Variants in B4GALT6 observed in about 807,000 individuals in gnomAD.
B4GALT6 encodes UDP-Gal:beta-GlcNAc beta-1,4-galactosyltransferase 6.
In B4GALT6, 14 loss-of-function variants were observed where a neutral mutation model predicts 46.3. The observed-to-expected ratio is 0.30, with a 90% CI of 0.20 to 0.47. The LOEUF is 0.47. B4GALT6 is among the 20% of genes least tolerant of loss of function. B4GALT6 has a pLI of 0.99. For synonymous variants in B4GALT6, 168 were observed against 162.0 expected, an observed-to-expected ratio of 1.04 and a Z score of -0.28; for missense variants, 386 against 480.1, an observed-to-expected ratio of 0.80 and a Z score of 1.83.
At chr18:31,654,623 T>C (rs1296369275) in intron 3 of B4GALT6, among the ~76,000 whole-genome samples, 3 of 152,230 alleles carry the variant, frequency 2.0e-5, no homozygotes, top group Non-Finnish European at 4.4e-5. Flanking sequence ...TTTCCATTGC[T>C]ATACTAAGTA....
the B4GALT6 span, among the ~76,000 whole-genome samples, chr18:31,716,520 C>T: frequency 6.6e-6 from 1 of 152,188 alleles, no homozygotes; most frequent in Non-Finnish European, 1.5e-5. Context: ...TCTAACTCCA[C>T]GTGCTACACT....
intron 3 of B4GALT6, among the ~76,000 whole-genome samples, chr18:31,651,882 T>C (rs1264750661): frequency 1.3e-5 from 2 of 152,180 alleles, no homozygotes; most frequent in Non-Finnish European, 2.9e-5. Flanking sequence ...GCCATTCTCC[T>C]GCCTCAGCCT....
chr18:31,679,591 T>C (rs934091455), intron 1 of B4GALT6, among the ~76,000 whole-genome samples: 2 of 152,302 alleles, frequency 1.3e-5, no homozygotes, highest in Middle Eastern at 3.4e-3. Context: ...TCACTTCCAG[T>C]TGAAGGAGTG....
At chr18:31,697,355 A>G in the B4GALT6 span, among the ~76,000 whole-genome samples, 3 of 151,104 alleles carry the variant, frequency 2.0e-5, no homozygotes, top group Non-Finnish European at 4.4e-5. Context: ...AAGAACCATC[A>G]TGAGTTAATA....
chr18:31,691,346 T>TA, the B4GALT6 span, among the ~76,000 whole-genome samples: 1 of 97,846 alleles, frequency 1.0e-5, no homozygotes, highest in Non-Finnish European at 2.2e-5. Flanking sequence ...TATATATATA[T>TA]TGCTCTGGGT....
chr18:31,702,113 A>G, the B4GALT6 span, among the ~76,000 whole-genome samples: 19 of 152,216 alleles, frequency 1.2e-4, no homozygotes, highest in Non-Finnish European at 2.5e-4. Flanking sequence ...TAAAATGGCA[A>G]TAAGATACTT....
At chr18:31,626,951 T>A (rs1312684989) in intron 7 of B4GALT6, 48 bp downstream of exon 7, 2 of 1,525,982 alleles carry the variant, frequency 1.3e-6, no homozygotes, top group Non-Finnish European at 1.8e-6. Context: ...CTAATATAAA[T>A]AAGATTTATA....
the B4GALT6 span, among the ~76,000 whole-genome samples, chr18:31,716,604 C>G: frequency 2.0e-5 from 3 of 152,258 alleles, no homozygotes; most frequent in Admixed American, 6.5e-5. Flanking sequence ...GACGTAGGTT[C>G]TAAGGTCCAG....
chr18:31,647,109 T>C (rs1299714541), intron 3 of B4GALT6, among the ~76,000 whole-genome samples: 1 of 152,250 alleles, frequency 6.6e-6, no homozygotes, highest in Non-Finnish European at 1.5e-5. Flanking sequence ...TCTAACATTG[T>C]AATCAAATAA....
the B4GALT6 span, among the ~76,000 whole-genome samples, chr18:31,702,610 G>T: frequency 6.6e-6 from 1 of 152,146 alleles, no homozygotes; most frequent in African/African-American, 2.4e-5. Flanking sequence ...TAAGTTCTGG[G>T]TGGGGTGCGG....
rs545601330 is a variant in B4GALT6 at position 31,678,747 on chromosome 18, C to T, written c.115+5565G>A. 2.6e-5 allele frequency among the ~76,000 whole-genome samples: 4 copies of T among 152,330 alleles called. No homozygotes were observed. In the South Asian group the frequency reaches 6.2e-4, roughly 24 times the overall value. On this transcript the variant is annotated intron_variant, in intron 1 of 8. Transcript: ENST00000306851. ...TCTCTTTGGGATTTTGCTCTTGGGG[C>T]TGCTCTGCTCATAGCTCTGGCTCCA...
chr18:31,666,200 A>G (rs190333635), intron 2 of B4GALT6, 56 bp downstream of exon 2: 4 of 998,852 alleles, frequency 4.0e-6, no homozygotes, highest in Middle Eastern at 2.1e-4. Flanking sequence ...ACAGACTGTA[A>G]AAGATTTGGT....
the B4GALT6 span, among the ~76,000 whole-genome samples, chr18:31,694,814 C>A: frequency 6.6e-6 from 1 of 151,982 alleles, no homozygotes; most frequent in Non-Finnish European, 1.5e-5. Flanking sequence ...ACTGTGAAAC[C>A]AAGAGCACAA....
At chr18:31,678,795 A>G (rs561633422) in intron 1 of B4GALT6, among the ~76,000 whole-genome samples, 1 of 152,346 alleles carries the variant, frequency 6.6e-6, no homozygotes, top group Admixed American at 6.5e-5. Context: ...TCTATGCCCA[A>G]GTTTCCCCTG....
the B4GALT6 span, among the ~76,000 whole-genome samples, chr18:31,714,943 A>G: frequency 1.3e-3 from 198 of 152,338 alleles, 1 homozygote; most frequent in Non-Finnish European, 2.5e-3. Context: ...AGCTTTAACA[A>G]GTGAAAATAC....
intron 6 of B4GALT6, among the ~76,000 whole-genome samples, chr18:31,627,588 A>C (rs1407351069): frequency 6.6e-6 from 1 of 152,202 alleles, no homozygotes; most frequent in Non-Finnish European, 1.5e-5. Flanking sequence ...CTAGCATTTA[A>C]TTGTCTAGCT....
chr18:31,681,839 G>C (rs559497985), intron 1 of B4GALT6, among the ~76,000 whole-genome samples: 48 of 152,112 alleles, frequency 3.2e-4, no homozygotes, highest in Admixed American at 6.5e-4. Context: ...ACGCTTTTTA[G>C]GGCACATAAA....
chr18:31,649,575 C>CAAAAAAAAAA (rs66578099), intron 3 of B4GALT6, among the ~76,000 whole-genome samples: 1 of 102,412 alleles, frequency 9.8e-6, no homozygotes, highest in African/African-American at 3.3e-5. Flanking sequence ...AAAAAATGAG[C>CAAAAAAAAAA]AAAAAAAAAA....
chr18:31,688,870 CTCTTA>C (rs1372763196), upstream of B4GALT6, among the ~76,000 whole-genome samples: 13 of 152,192 alleles, frequency 8.5e-5, no homozygotes, highest in Non-Finnish European at 1.8e-4. Flanking sequence ...ACCACACCAG[CTCTTA>C]TCTTCACACA....
Sources: gnomAD v4.1 joint callset for allele counts (sites outside exome capture counted in the v4.1 genomes callset) on GRCh38, gnomAD v4.1.1 for gene constraint, MANE v1.5 for transcripts, NCBI Gene and HGNC (gene_info 2026-07-23, HGNC 2026-07-21) for gene names.